The following MAPK8 variants were observed in gnomAD, a reference collection of about 807,000 sequenced individuals.
MAPK8 encodes the protein JUN N-terminal kinase.
A neutral mutation model predicts 52.9 loss-of-function variants in MAPK8; 13 were observed. The observed-to-expected ratio is 0.25, with a 90% CI of 0.16 to 0.39. MAPK8 has a LOEUF of 0.39. Ranked by LOEUF, MAPK8 falls within the 10% of genes least tolerant of loss-of-function variation. The pLI is 1.00. For missense variants in MAPK8, 300 were observed against 519.2 expected, an observed-to-expected ratio of 0.58 and a Z score of 4.10; for synonymous variants, 191 against 169.8, an observed-to-expected ratio of 1.12 and a Z score of -0.97.
chr10:48,384,616 C>G (rs1330431187), intron 1 of MAPK8, among the ~76,000 whole-genome samples: 3 of 152,096 alleles, frequency 2.0e-5, no homozygotes, highest in African/African-American at 7.2e-5. Context: ...GAAGGGTTAC[C>G]CCTAGGTTAA....
chr10:48,405,010 A>T, intron 3 of MAPK8, 29 bp downstream of exon 3: 1 of 1,501,310 alleles, frequency 6.7e-7, no homozygotes, highest in Non-Finnish European at 9.1e-7. Flanking sequence ...TTTCCTAAGT[A>T]TAGATGAAAT....
chr10:48,387,138 A>G (rs1316977760), intron 1 of MAPK8, among the ~76,000 whole-genome samples: 1 of 152,220 alleles, frequency 6.6e-6, no homozygotes, highest in Non-Finnish European at 1.5e-5. Flanking sequence ...CAGAACTACA[A>G]ACCAGGCCTC....
At chr10:48,352,134 T>C (rs1846399205) in intron 1 of MAPK8, among the ~76,000 whole-genome samples, 1 of 152,218 alleles carries the variant, frequency 6.6e-6, no homozygotes, top group South Asian at 2.1e-4. Flanking sequence ...TACAACTTAA[T>C]AGAACTTTAT....
chr10:48,384,591 T>A (rs1248736455), intron 1 of MAPK8, among the ~76,000 whole-genome samples: 1 of 152,172 alleles, frequency 6.6e-6, no homozygotes, highest in Non-Finnish European at 1.5e-5. Flanking sequence ...ATAGCTCTGA[T>A]AAAGAAGCAA....
intron 1 of MAPK8, among the ~76,000 whole-genome samples, chr10:48,345,497 T>G (rs960842478): frequency 6.6e-6 from 1 of 152,084 alleles, no homozygotes; most frequent in African/African-American, 2.4e-5. Context: ...CTAATTCTGT[T>G]CACACACACA....
chr10:48,426,713 T>C, intron 9 of MAPK8: 1 of 536,988 alleles, frequency 1.9e-6, no homozygotes, highest in South Asian at 2.4e-5. Flanking sequence ...CCACTGTTTT[T>C]TGCAATCTTG....
intron 1 of MAPK8, among the ~76,000 whole-genome samples, chr10:48,373,953 C>T (rs1229844197): frequency 6.6e-6 from 1 of 152,152 alleles, no homozygotes; most frequent in Non-Finnish European, 1.5e-5. Flanking sequence ...ACGTTCTCCT[C>T]AGCACCACAT....
At chr10:48,368,208 G>T (rs1848236513) in intron 1 of MAPK8, among the ~76,000 whole-genome samples, 1 of 152,208 alleles carries the variant, frequency 6.6e-6, no homozygotes. Context: ...GAATCCAACT[G>T]TGAACAAAAT....
chr10:48,363,997 A>G (rs762551579), intron 1 of MAPK8, among the ~76,000 whole-genome samples: 9 of 152,204 alleles, frequency 5.9e-5, no homozygotes, highest in Non-Finnish European at 7.3e-5. Context: ...CCAATAATCT[A>G]TTTAGATTTC....
intron 1 of MAPK8, among the ~76,000 whole-genome samples, chr10:48,313,897 A>T (rs1776611874): frequency 6.6e-6 from 1 of 152,218 alleles, no homozygotes; most frequent in South Asian, 2.1e-4. Context: ...CTGGGATTAC[A>T]GGTGATCCAC....
intron 5 of MAPK8, among the ~76,000 whole-genome samples, chr10:48,411,160 CT>C: frequency 6.6e-6 from 1 of 152,202 alleles, no homozygotes; most frequent in African/African-American, 2.4e-5. Flanking sequence ...ATCACTTGTG[CT>C]TTTGGTATCA....
At chr10:48,388,982 G>GA (rs2041477754) in intron 1 of MAPK8, among the ~76,000 whole-genome samples, 1 of 152,046 alleles carries the variant, frequency 6.6e-6, no homozygotes, top group Non-Finnish European at 1.5e-5. Flanking sequence ...TTTTTGGGGG[G>GA]AAAGGAGGAA....
intron 1 of MAPK8, among the ~76,000 whole-genome samples, chr10:48,348,250 T>C (rs1228520329): frequency 6.6e-6 from 1 of 152,232 alleles, no homozygotes; most frequent in East Asian, 1.9e-4. Flanking sequence ...TTTTTTCTTG[T>C]AAATTTGTTT....
At chr10:48,334,980 A>C (rs1189773747) in intron 1 of MAPK8, among the ~76,000 whole-genome samples, 2 of 152,146 alleles carry the variant, frequency 1.3e-5, no homozygotes, top group Admixed American at 1.3e-4. Context: ...GTTATACCCC[A>C]GTCCCCTTCC....
chr10:48,360,061 G>A (rs1474722630), intron 1 of MAPK8, among the ~76,000 whole-genome samples: 1 of 152,152 alleles, frequency 6.6e-6, no homozygotes, highest in African/African-American at 2.4e-5. Flanking sequence ...CACTTTCTTG[G>A]GAGGCTGAGG....
chr10:48,410,223 A>C, intron 5 of MAPK8, 55 bp downstream of exon 5: 1 of 1,413,138 alleles, frequency 7.1e-7, no homozygotes, highest in South Asian at 1.8e-5. Context: ...GGTGAAATTC[A>C]TGTAACAAAA....
intron 1 of MAPK8, among the ~76,000 whole-genome samples, chr10:48,376,430 A>G (rs763623804): frequency 1.5e-4 from 23 of 152,378 alleles, no homozygotes; most frequent in Non-Finnish European, 2.5e-4. Flanking sequence ...AGAAACTATC[A>G]TCAGAGTGAA....
At chr10:48,317,266 T>C (rs1842590714) in intron 1 of MAPK8, among the ~76,000 whole-genome samples, 1 of 152,190 alleles carries the variant, frequency 6.6e-6, no homozygotes, top group Non-Finnish European at 1.5e-5. Flanking sequence ...CTTAAACTCC[T>C]GGGTTCAAGT....
Position 48,438,106 on chromosome 10 carries a change from T to G in MAPK8, c.*3077T>G, listed in dbSNP as rs2045003796. On this transcript the variant is annotated 3_prime_UTR_variant, in exon 12 of 12. Transcript: ENST00000374189. The stretch of plus-strand genomic sequence containing the variant: ...TTTGAGGTTAGAACATAGAATATTT[T>G]CAGAAATACTGTTGTAGTTTGTGAG... The G allele has an allele frequency of 6.6e-6, 1 of 152,258 alleles. No individual in the cohort carries two copies. Among genetic ancestry groups the G allele is most frequent in the African/African-American group, 2.4e-5 (1 of 41,474 alleles). The allele number at this position is 152,258 out of a possible 1,614,324, so 9.4% of individuals were successfully genotyped here. A position where few individuals can be genotyped will look rare whatever the true frequency, so the allele number is the denominator to read the frequency against.
Sources: gnomAD v4.1 joint callset for allele counts (sites outside exome capture counted in the v4.1 genomes callset) on GRCh38, gnomAD v4.1.1 for gene constraint, MANE v1.5 for transcripts, NCBI Gene and HGNC (gene_info 2026-07-23, HGNC 2026-07-21) for gene names.